CSGALNACT1: variants seen among roughly 807,000 people sequenced by gnomAD.
The protein encoded by CSGALNACT1 is chondroitin sulfate N-acetylgalactosaminyltransferase 1, also known as beta4GalNAcT-1.
CSGALNACT1 carries 52 observed loss-of-function variants against 51.0 expected under a neutral mutation model. The ratio of observed to expected loss-of-function variants is 1.02; its 90% CI spans 0.82 to 1.29. The LOEUF is 1.29. Among genes scored for constraint, CSGALNACT1 ranks in the 50% most tolerant of loss-of-function variants. The pLI is 0.00. For missense variants in CSGALNACT1, 935 were observed against 679.2 expected, an observed-to-expected ratio of 1.38 and a Z score of -4.19; for synonymous variants, 341 against 254.4, an observed-to-expected ratio of 1.34 and a Z score of -3.24.
At chr8:19,543,911 A>G (rs949929197) in intron 3 of CSGALNACT1, among the ~76,000 whole-genome samples, 1 of 152,190 alleles carries the variant, frequency 6.6e-6, no homozygotes, top group African/African-American at 2.4e-5. Context: ...GATCATTAAC[A>G]TTTGTTAATT....
At chr8:19,473,671 G>C (rs2068734473) in intron 4 of CSGALNACT1, among the ~76,000 whole-genome samples, 1 of 152,206 alleles carries the variant, frequency 6.6e-6, no homozygotes. Context: ...TTCAAGAAAA[G>C]TCAAAAGTAG....
At chr8:19,558,525 A>C (rs925714822) in intron 3 of CSGALNACT1, among the ~76,000 whole-genome samples, 1 of 152,234 alleles carries the variant, frequency 6.6e-6, no homozygotes, top group African/African-American at 2.4e-5. Flanking sequence ...AAAAGTATCT[A>C]TGGATTTGGA....
chr8:19,619,534 G>T (rs935470862), intron 1 of CSGALNACT1, among the ~76,000 whole-genome samples: 3 of 152,070 alleles, frequency 2.0e-5, no homozygotes, highest in Non-Finnish European at 2.9e-5. Context: ...CAAGCAGAAG[G>T]TTCCAGCAGT....
At chr8:19,655,377 T>C (rs2154186735) in intron 1 of CSGALNACT1, among the ~76,000 whole-genome samples, 1 of 152,210 alleles carries the variant, frequency 6.6e-6, no homozygotes, top group South Asian at 2.1e-4. Context: ...TATTTTTCTT[T>C]TGAGGTAGGG....
At chr8:19,636,797 C>T (rs1284379424) in intron 1 of CSGALNACT1, among the ~76,000 whole-genome samples, 1 of 152,152 alleles carries the variant, frequency 6.6e-6, no homozygotes, top group Admixed American at 6.5e-5. Context: ...TTATGTAATA[C>T]CATTTCAATG....
chr8:19,608,369 T>C (rs573448796), intron 1 of CSGALNACT1, among the ~76,000 whole-genome samples: 12 of 152,248 alleles, frequency 7.9e-5, no homozygotes, highest in Admixed American at 3.9e-4. Context: ...GGTTCAGAAA[T>C]ACCAAGTTCA....
chr8:19,433,366 G>C (rs1038116732), intron 6 of CSGALNACT1, among the ~76,000 whole-genome samples: 1 of 152,198 alleles, frequency 6.6e-6, no homozygotes, highest in Admixed American at 6.5e-5. Flanking sequence ...TTTTAAGTAG[G>C]AGCATAGCCC....
intron 1 of CSGALNACT1, among the ~76,000 whole-genome samples, chr8:19,716,857 A>G (rs2062842230): frequency 6.6e-6 from 1 of 152,072 alleles, no homozygotes; most frequent in East Asian, 1.9e-4. Flanking sequence ...CAAATACACA[A>G]ATAGCATAGA....
intron 1 of CSGALNACT1, among the ~76,000 whole-genome samples, chr8:19,609,203 G>A (rs2051834682): frequency 1.3e-5 from 2 of 149,122 alleles, no homozygotes; most frequent in Non-Finnish European, 3.0e-5. Context: ...TGAGATTGAG[G>A]GAGGCAAGAA....
intron 8 of CSGALNACT1, among the ~76,000 whole-genome samples, chr8:19,412,812 T>G (rs1483792010): frequency 1.3e-5 from 2 of 152,050 alleles, no homozygotes; most frequent in Non-Finnish European, 2.9e-5. Flanking sequence ...AGGACGTCTG[T>G]GTCCAGGCTG....
At chr8:19,490,785 G>C (rs994539428) in intron 4 of CSGALNACT1, among the ~76,000 whole-genome samples, 3 of 152,094 alleles carry the variant, frequency 2.0e-5, no homozygotes, top group Non-Finnish European at 4.4e-5. Flanking sequence ...TCCAGCCTTG[G>C]TATTTAGGGT....
chr8:19,494,855 C>T (rs887250268), intron 4 of CSGALNACT1, among the ~76,000 whole-genome samples: 1 of 137,678 alleles, frequency 7.3e-6, no homozygotes, highest in African/African-American at 2.8e-5. Context: ...CTTCCCTCCA[C>T]CCTATGTTCA....
intron 1 of CSGALNACT1, among the ~76,000 whole-genome samples, chr8:19,661,656 G>C (rs2058751311): frequency 1.3e-5 from 2 of 152,160 alleles, no homozygotes; most frequent in South Asian, 4.1e-4. Context: ...GATCATCTAT[G>C]CCATGCTCTT....
chr8:19,573,648 T>C (rs2043510849), intron 3 of CSGALNACT1, among the ~76,000 whole-genome samples: 1 of 152,174 alleles, frequency 6.6e-6, no homozygotes, highest in Non-Finnish European at 1.5e-5. Flanking sequence ...TTCACCATGT[T>C]GGCCAGGCTG....
intron 6 of CSGALNACT1, among the ~76,000 whole-genome samples, chr8:19,437,378 C>G (rs372624422): frequency 2.0e-5 from 3 of 152,244 alleles, no homozygotes; most frequent in East Asian, 1.9e-4. Flanking sequence ...GAAGCAACAG[C>G]CCATCTGGGG....
At chr8:19,550,209 C>T (rs1365912238) in intron 3 of CSGALNACT1, among the ~76,000 whole-genome samples, 2 of 152,084 alleles carry the variant, frequency 1.3e-5, no homozygotes, top group Non-Finnish European at 2.9e-5. Flanking sequence ...TGGCCTCAAA[C>T]TCCTGAGCTC....
intron 1 of CSGALNACT1, among the ~76,000 whole-genome samples, chr8:19,696,797 C>T (rs1382288045): frequency 5.9e-5 from 9 of 152,184 alleles, no homozygotes; most frequent in Admixed American, 5.9e-4. Flanking sequence ...GAACCACACA[C>T]AGTGTCGACT....
upstream of CSGALNACT1, among the ~76,000 whole-genome samples, chr8:19,605,940 G>T (rs1411094180): frequency 6.6e-6 from 1 of 152,156 alleles, no homozygotes; most frequent in Non-Finnish European, 1.5e-5. Context: ...ATAAGTGAAA[G>T]TTCTCCACAT....
chr8:19,595,416 G>A (rs924088152), intron 2 of CSGALNACT1, among the ~76,000 whole-genome samples: 5 of 152,116 alleles, frequency 3.3e-5, no homozygotes, highest in Non-Finnish European at 7.3e-5. Flanking sequence ...CTCAATATAT[G>A]TTTGTGAGTT....
Sources: allele counts gnomAD v4.1 joint callset (sites outside exome capture counted in the v4.1 genomes callset), GRCh38; gene constraint gnomAD v4.1.1; transcripts MANE v1.5; gene names NCBI Gene and HGNC (gene_info 2026-07-23, HGNC 2026-07-21).